Variants in PCDHGC5 observed in about 807,000 individuals in gnomAD.
The protein encoded by PCDHGC5 is protocadherin gamma-C5.
In PCDHGC5, 25 loss-of-function variants were observed where a neutral mutation model predicts 59.0. The ratio of observed to expected loss-of-function variants is 0.42; its 90% CI spans 0.31 to 0.59. PCDHGC5 has a LOEUF of 0.59. Among genes scored for constraint, PCDHGC5 ranks in the 20% least tolerant of loss-of-function variants. The pLI, the probability that PCDHGC5 is intolerant of heterozygous loss-of-function variation, is 0.13. For missense variants in PCDHGC5, 1,067 were observed against 1,206.4 expected (o/e 0.88, Z 1.71); for synonymous variants, 434 against 505.5 (o/e 0.86, Z 1.90).
intron 2 of PCDHGC5, among the ~76,000 whole-genome samples, chr5:141,501,719 T>C (rs1024307894): frequency 6.6e-6 from 1 of 152,028 alleles, no homozygotes; most frequent in African/African-American, 2.4e-5. Context: ...AAAAGACAAA[T>C]ATATTACCCA....
In PCDHGC5 at chr5:141,493,233, G is replaced by T. The variant is rs1335823475; in HGVS notation, c.2460+1533G>T. ...TTTGCTCTTCCCACCATTGCTGTTG[G>T]CTAGGTACTAACATGCCTCTCTTAT... is the stretch of plus-strand genomic sequence containing the variant. On this transcript the variant is annotated intron_variant, in intron 1 of 3. Coordinates refer to ENST00000252087, the MANE Select transcript of PCDHGC5 (RefSeq NM_018929.3). This position sits in a 1 kb window ranked among gnomAD's most constrained non-coding sequence, Gnocchi z 4.3. 6.6e-6 allele frequency among the ~76,000 whole-genome samples: 1 copy of T among 152,172 alleles called. No homozygotes were observed. The highest frequency in any genetic ancestry group is 2.1e-4 in the South Asian group (1 of 4,828).
rs376937850 is a variant in PCDHGC5 at position 141,491,097 on chromosome 5, C to T, written c.1857C>T (p.Phe619=). The T allele has an allele frequency of 1.2e-6, 2 of 1,614,170 alleles. No homozygotes were observed. Among genetic ancestry groups the T allele is most frequent in the Non-Finnish European group, 1.7e-6 (2 of 1,180,018 alleles). Residue 619 remains phenylalanine (F), a synonymous_variant, in exon 1 of 4, where the codon TTC becomes TTT. Coordinates refer to ENST00000252087, the MANE Select transcript of PCDHGC5 (RefSeq NM_018929.3). The surrounding 1 kb of genome is among the most constrained non-coding windows in gnomAD (Gnocchi z 6.9). ...CACAGTCCACAGCCCCAGGACTGTT[C>T]CTCGTGTCTACACACACTGGTGAGG... The part of the protein sequence containing the change: ...LLPQSTAPGL[F]LVSTHTGEVR...
Position 141,489,653 on chromosome 5 carries a change from G to A in PCDHGC5, c.413G>A (p.Arg138Gln), listed in dbSNP as rs752269910. 2.0e-5 allele frequency: 33 copies of A among 1,614,164 alleles called. No individual in the cohort carries two copies. In the East Asian group the frequency reaches 4.9e-4, roughly 24 times the overall value. ...DNSPSFATPE[R>Q]EMRISESAAS... ...TCTCCTAGCTTTGCCACCCCTGAGC[G>A]AGAGATGCGCATCTCAGAATCAGCA... Residue 138 changes from arginine (R) to glutamine (Q), a missense_variant, in exon 1 of 4, where the codon CGA (arginine) becomes CAA (glutamine). Arg to Gln is a conservative substitution (Grantham distance 43, BLOSUM62 1). Transcript: ENST00000252087. This position sits in a 1 kb window ranked among gnomAD's most constrained non-coding sequence, Gnocchi z 4.5.
At chr5:141,506,680 A>G (rs949777571) in intron 3 of PCDHGC5, among the ~76,000 whole-genome samples, 1 of 152,212 alleles carries the variant, frequency 6.6e-6, no homozygotes, top group Non-Finnish European at 1.5e-5. Context: ...ATATATTATT[A>G]TCTTTGCTGA....
At chr5:141,507,785 C>T (rs1203302886) in intron 3 of PCDHGC5, among the ~76,000 whole-genome samples, 1 of 152,222 alleles carries the variant, frequency 6.6e-6, no homozygotes, top group African/African-American at 2.4e-5. Context: ...GCCTGACCCT[C>T]GTCTAAGCCT....
In PCDHGC5 at chr5:141,491,942, C is replaced by A; in HGVS notation, c.2460+242C>A. The A allele has an allele frequency of 8.9e-7, 1 of 1,122,490 alleles. No individual in the cohort carries two copies. The highest frequency in any genetic ancestry group is 1.2e-6 in the Non-Finnish European group (1 of 824,374). 69.5% of individuals were successfully genotyped at this position (1,122,490 alleles called of 1,614,324 possible). The stretch of plus-strand genomic sequence containing the variant: ...GGCGAGGGGAGGTGGGACCGACCCC[C>A]ACCCCTACACTCAAAAAAGGCCGGG... On this transcript the variant is annotated intron_variant, in intron 1 of 3. Transcript: ENST00000252087. The surrounding 1 kb of genome is among the most constrained non-coding windows in gnomAD (Gnocchi z 6.9).
At position 141,490,591 on chromosome 5, in the gene PCDHGC5, G is replaced by A; in HGVS notation, c.1351G>A (p.Ala451Thr). 1 of 1,614,100 alleles carries A rather than the reference G, an allele frequency of 6.2e-7. No homozygotes were observed. Among genetic ancestry groups the A allele is most frequent in the African/African-American group, 1.3e-5 (1 of 75,016 alleles). ...CAACATTTCAGATGTCAATGACAAT[G>A]CACCCCGCTTCAACCAGCAGCTTTA... ...RLNISDVNDN[A>T]PRFNQQLYTA... is the part of the protein sequence containing the mutation. Residue 451 changes from alanine (A) to threonine (T), a missense_variant, in exon 1 of 4, where the codon GCA becomes ACA. By Grantham distance (58) the Ala-to-Thr change is moderately conservative. Coordinates refer to ENST00000252087, the MANE Select transcript of PCDHGC5 (RefSeq NM_018929.3). This position sits in a 1 kb window ranked among gnomAD's most constrained non-coding sequence, Gnocchi z 5.4.
chr5:141,500,839 G>A (rs2099802871), intron 2 of PCDHGC5, among the ~76,000 whole-genome samples: 1 of 151,906 alleles, frequency 6.6e-6, no homozygotes, highest in African/African-American at 2.4e-5. Flanking sequence ...ATGCTAATGG[G>A]CTTTTGCTAC....
intron 3 of PCDHGC5, chr5:141,508,084 T>A (rs1422530110): frequency 6.6e-6 from 1 of 152,432 alleles, no homozygotes; most frequent in East Asian, 1.9e-4. Flanking sequence ...CTGGAGTTGC[T>A]GCCTTGGCCC....
In PCDHGC5 at chr5:141,491,667, G is replaced by C. The variant is rs746903142; in HGVS notation, c.2427G>C (p.Arg809=). The C allele has an allele frequency of 3.7e-6, 6 of 1,613,678 alleles. No individual in the cohort carries two copies. The South Asian group carries it at 6.6e-5, about 18-fold the overall frequency. Residue 809 remains arginine (R), a synonymous_variant, in exon 1 of 4, where the codon CGG becomes CGC. Transcript: ENST00000252087. This position sits in a 1 kb window ranked among gnomAD's most constrained non-coding sequence, Gnocchi z 6.9. The part of the protein sequence containing the change: ...TALALEPDAI[R]SRSNTLRERS... Reference sequence around the variant, plus strand: ...TGGCGCTGGAGCCTGACGCCATCCGGTCCCGCTCTAATACGCTGCGGGAGC... The same window carrying C: ...TGGCGCTGGAGCCTGACGCCATCCGCTCCCGCTCTAATACGCTGCGGGAGC...
chr5:141,511,077 T>C lies in PCDHGC5; in HGVS notation c.2739T>C (p.Asn913=), dbSNP rs1279500774. ...YRQNVYIPGS[N]ATLTNAAGKR... is the part of the protein sequence containing the mutation. ...AGAATGTCTACATCCCAGGCAGCAA[T>C]GCCACACTGACCAACGCAGCTGGCA... is the stretch of plus-strand genomic sequence containing the variant. Residue 913 remains asparagine, a synonymous_variant, in exon 4 of 4, where the codon AAT becomes AAC. Transcript: ENST00000252087. 5 of 1,614,062 alleles carry C rather than the reference T, an allele frequency of 3.1e-6. No individual in the cohort carries two copies. The African/African-American group carries it at 6.7e-5, about 22-fold the overall frequency.
intron 2 of PCDHGC5, among the ~76,000 whole-genome samples, chr5:141,495,452 C>G (rs543717781): frequency 1.3e-5 from 2 of 152,356 alleles, no homozygotes; most frequent in South Asian, 2.1e-4. Context: ...TTGTCCTGCT[C>G]TCTGTCTGTG....
At position 141,490,745 on chromosome 5, in the gene PCDHGC5, C is replaced by A. The variant is rs769031787; in HGVS notation, c.1505C>A (p.Pro502Gln). 1 of 1,614,238 alleles carries A rather than the reference C, an allele frequency of 6.2e-7. No homozygotes were observed. Among genetic ancestry groups the A allele is most frequent in the Non-Finnish European group, 8.5e-7 (1 of 1,180,042 alleles). ...GTAGGAAATCAGGTTCAGGGAGCCCCAGCCTCCTCCTTTGTGTATGTCAAC... is the reference window on the plus strand; with the variant it reads ...GTAGGAAATCAGGTTCAGGGAGCCCAAGCCTCCTCCTTTGTGTATGTCAAC... The part of the protein sequence containing the change: ...SIVGNQVQGA[P>Q]ASSFVYVNPE... The change falls in exon 1 of 4, where the codon CCA (proline) becomes CAA (glutamine). Residue 502 changes from proline to glutamine, a missense_variant. Pro to Gln is a moderately conservative substitution (Grantham distance 76, BLOSUM62 -1). Transcript: ENST00000252087. The surrounding 1 kb of genome is among the most constrained non-coding windows in gnomAD (Gnocchi z 5.4).
chr5:141,500,184 T>TTTTTTTTATTTA (rs1554186429), intron 2 of PCDHGC5, among the ~76,000 whole-genome samples: 16 of 135,886 alleles, frequency 1.2e-4, no homozygotes, highest in African/African-American at 4.3e-4. Context: ...TCATTTTTAT[T>TTTTTTTTATTTA]TTTATTTATT....
rs1236961370 is a variant in PCDHGC5, at chr5:141,512,621, C to T, written c.*1448C>T. 1 of 152,964 alleles carries T rather than the reference C, an allele frequency of 6.5e-6. No homozygotes were observed. The highest frequency in any genetic ancestry group is 1.5e-5 in the Non-Finnish European group (1 of 68,612). 9.5% of individuals were successfully genotyped at this position (152,964 alleles called of 1,614,324 possible). A position where few individuals can be genotyped will look rare whatever the true frequency, so the allele number is the denominator to read the frequency against. Reference sequence around the variant, plus strand: ...CCATCCAGCGGGGCTGCCAGAGAACCCCAGACCTGCCCTTACAGTAGTGTA... The same window carrying T: ...CCATCCAGCGGGGCTGCCAGAGAACTCCAGACCTGCCCTTACAGTAGTGTA... On this transcript the variant is annotated 3_prime_UTR_variant, in exon 4 of 4. Coordinates refer to ENST00000252087, the MANE Select transcript of PCDHGC5 (RefSeq NM_018929.3).
In PCDHGC5 at chr5:141,490,275, C is replaced by A; in HGVS notation, c.1035C>A (p.Asp345Glu). 6.2e-7 allele frequency: 1 copy of A among 1,614,238 alleles called. No individual in the cohort carries two copies. The highest frequency in any genetic ancestry group is 8.5e-7 in the Non-Finnish European group (1 of 1,180,044). Residue 345 changes from aspartate (D) to glutamate (E), a missense_variant, in exon 1 of 4, where the codon GAC becomes GAA. By Grantham distance (45) the Asp-to-Glu change is conservative (BLOSUM62 2). Transcript: ENST00000252087. The surrounding 1 kb of genome is among the most constrained non-coding windows in gnomAD (Gnocchi z 5.4). Reference sequence around the variant, plus strand: ...AAGTGGATGTGGGGGATGTCAATGACAATGCCCCAGAGGTGCTATTGGCCT... The same window carrying A: ...AAGTGGATGTGGGGGATGTCAATGAAAATGCCCCAGAGGTGCTATTGGCCT... ...VIQVDVGDVNDNAPEVLLASL... is the reference protein window; with the variant it reads ...VIQVDVGDVNENAPEVLLASL...
chr5:141,507,619 G>T (rs1237918589), intron 3 of PCDHGC5, among the ~76,000 whole-genome samples: 22 of 152,256 alleles, frequency 1.4e-4, no homozygotes, highest in Admixed American at 1.4e-3. Context: ...ATATTTAGCT[G>T]TTGTGGCCTT....
rs748803155 is a variant in PCDHGC5, at chr5:141,490,087, G to C, written c.847G>C (p.Asp283His). ...TNGQLDYSFG[D>H]HTSEAVRNLF... ...CGGCCAACTAGACTATTCTTTTGGAGACCACACATCTGAGGCAGTGCGGAA... is the reference window on the plus strand; with the variant it reads ...CGGCCAACTAGACTATTCTTTTGGACACCACACATCTGAGGCAGTGCGGAA... The change falls in exon 1 of 4, where the codon GAC becomes CAC. Residue 283 changes from aspartate (D) to histidine (H), a missense_variant. Physicochemically the swap from Asp to His is moderately conservative, Grantham distance 81. Transcript: ENST00000252087. The surrounding 1 kb of genome is among the most constrained non-coding windows in gnomAD (Gnocchi z 5.4). 1.9e-6 allele frequency: 3 copies of C among 1,614,244 alleles called. No individual in the cohort carries two copies. Among genetic ancestry groups the C allele is most frequent in the Non-Finnish European group, 2.5e-6 (3 of 1,180,044 alleles).
Position 141,490,629 on chromosome 5 carries a change from C to T in PCDHGC5, c.1389C>T (p.Ile463=), listed in dbSNP as rs1174984711. 1.2e-6 allele frequency: 2 copies of T among 1,614,214 alleles called. No individual in the cohort carries two copies. Among genetic ancestry groups the T allele is most frequent in the East Asian group, 2.2e-5 (1 of 44,882 alleles). The change falls in exon 1 of 4, where the codon ATC becomes ATT. Residue 463 remains isoleucine (I), a synonymous_variant. Coordinates refer to ENST00000252087, the MANE Select transcript of PCDHGC5 (RefSeq NM_018929.3). This position sits in a 1 kb window ranked among gnomAD's most constrained non-coding sequence, Gnocchi z 5.4. ...RFNQQLYTAY[I]LENRPPGSLL... ...ACCAGCAGCTTTACACTGCTTACAT[C>T]CTAGAAAACCGGCCTCCGGGCTCCC...
Sources: allele counts gnomAD v4.1 joint callset (sites outside exome capture counted in the v4.1 genomes callset), GRCh38; gene constraint gnomAD v4.1.1; non-coding constraint Gnocchi (gnomAD v3.1); transcripts MANE v1.5; gene names NCBI Gene and HGNC (gene_info 2026-07-23, HGNC 2026-07-21).